The following ECPAS variants were observed in gnomAD, a reference collection of about 807,000 sequenced individuals.
The protein encoded by ECPAS is Ecm29 proteasome adaptor and scaffold.
ECPAS carries 70 observed loss-of-function variants against 255.1 expected under a neutral mutation model. The observed-to-expected ratio is 0.27, with a 90% confidence interval of 0.23 to 0.33. The LOEUF (loss-of-function observed/expected upper bound fraction) is 0.33. ECPAS is among the 10% of genes least tolerant of loss of function. ECPAS has a pLI of 1.00. For synonymous variants in ECPAS, 784 were observed against 775.0 expected (o/e 1.01, Z -0.19); for missense variants, 1,817 against 2,206.4 (o/e 0.82, Z 3.54).
intron 21 of ECPAS, chr9:111,411,782 T>C (rs2098194874): frequency 2.6e-6 from 1 of 388,408 alleles, no homozygotes; most frequent in Middle Eastern, 6.6e-4. Context: ...CATGTATTTA[T>C]GAATCACTGT....
rs1385359934 is a variant in ECPAS at position 111,386,414 on chromosome 9, T to C, written c.3490A>G (p.Asn1164Asp). Residue 1164 changes from asparagine (N) to aspartate (D), a missense_variant, in exon 32 of 50, where the codon AAC (asparagine) becomes GAC (aspartate). Coordinates refer to ENST00000684092, the MANE Select transcript of ECPAS (RefSeq NM_001364929.1). ...LKEILQDLVKNLTSNMWRVRE... is the reference protein window; with the variant it reads ...LKEILQDLVKDLTSNMWRVRE... Reference sequence around the variant, plus strand: ...ACTCGCCACATATTGCTTGTAAGGTTCTTAACCAAATCTTGAAGAATTTCT... The same window carrying C: ...ACTCGCCACATATTGCTTGTAAGGTCCTTAACCAAATCTTGAAGAATTTCT... The C allele has an allele frequency of 5.6e-6, 9 of 1,604,162 alleles. No homozygotes were observed. The highest frequency in any genetic ancestry group is 1.7e-4 in the Middle Eastern group (1 of 6,042).
At chr9:111,378,869 C>T in intron 35 of ECPAS, 139 bp from the exon 36 acceptor site, 1 of 727,584 alleles carries the variant, frequency 1.4e-6, no homozygotes, top group Non-Finnish European at 2.0e-6. Flanking sequence ...CTGGGCATTA[C>T]TTTTTTTAAC....
At chr9:111,409,917 C>G in intron 23 of ECPAS, 124 bp downstream of exon 23, 1 of 722,940 alleles carries the variant, frequency 1.4e-6, no homozygotes, top group Non-Finnish European at 2.3e-6. Flanking sequence ...TCTTTATCAC[C>G]CATTTTTACA....
chr9:111,398,455 C>G (rs551535911), intron 24 of ECPAS, among the ~76,000 whole-genome samples: 1 of 152,018 alleles, frequency 6.6e-6, no homozygotes, highest in South Asian at 2.1e-4. Flanking sequence ...GTAAATAATC[C>G]AGAAATAAAG....
intron 3 of ECPAS, among the ~76,000 whole-genome samples, chr9:111,448,398 A>C (rs1055389509): frequency 6.6e-6 from 1 of 152,262 alleles, no homozygotes; most frequent in Non-Finnish European, 1.5e-5. Flanking sequence ...GGAGAAAAAA[A>C]CCTTAAATGG....
At chr9:111,409,265 T>C (rs751049634) in intron 23 of ECPAS, among the ~76,000 whole-genome samples, 4 of 152,076 alleles carry the variant, frequency 2.6e-5, no homozygotes, top group South Asian at 2.1e-4. Context: ...AAGATTAAGA[T>C]TATAGGAATT....
intron 4 of ECPAS, among the ~76,000 whole-genome samples, chr9:111,443,729 A>G (rs2098249081): frequency 6.6e-6 from 1 of 152,214 alleles, no homozygotes; most frequent in Non-Finnish European, 1.5e-5. Flanking sequence ...AACAGGCTCC[A>G]AAAGGTTTGT....
At chr9:111,437,267 A>G (rs767933031) in intron 6 of ECPAS, among the ~76,000 whole-genome samples, 159 bp from the exon 7 acceptor site, 1 of 152,238 alleles carries the variant, frequency 6.6e-6, no homozygotes, top group Non-Finnish European at 1.5e-5. Flanking sequence ...ATTTTAAGGT[A>G]TCTAAAAAAG....
At chr9:111,391,966 C>T (rs1589137119) in intron 28 of ECPAS, 142 bp from the exon 29 acceptor site, 7 of 648,906 alleles carry the variant, frequency 1.1e-5, no homozygotes, top group Non-Finnish European at 1.9e-5. Context: ...TCCGGCCGGG[C>T]GCGGTGGCTC....
At chr9:111,382,634 C>T (rs1199093449) in intron 35 of ECPAS, among the ~76,000 whole-genome samples, 1 of 152,030 alleles carries the variant, frequency 6.6e-6, no homozygotes, top group Non-Finnish European at 1.5e-5. Context: ...AAAAAAAACT[C>T]TTTCATCAAC....
Position 111,394,215 on chromosome 9 carries a change from G to T in ECPAS, c.2867C>A (p.Ala956Asp). ...ISPNPHVRQA[A>D]CIWLLSLVRK... is the part of the protein sequence containing the mutation. Reference sequence around the variant, plus strand: ...GACAAGGGAAAGGAGCCAGATGCAGGCTGCTTGCCTCACGTGTGGGTTGGG... The same window carrying T: ...GACAAGGGAAAGGAGCCAGATGCAGTCTGCTTGCCTCACGTGTGGGTTGGG... Residue 956 changes from alanine to aspartate, a missense_variant, in exon 26 of 50, where the codon GCC (alanine) becomes GAC (aspartate). Physicochemically the swap from Ala to Asp is moderately radical, Grantham distance 126 (BLOSUM62 -2). Around this residue, in one of 4 missense-constraint regions of ECPAS, gnomAD observed 960 missense variants for 1,179.0 expected, o/e 0.81. Coordinates refer to ENST00000684092, the MANE Select transcript of ECPAS (RefSeq NM_001364929.1). The T allele has an allele frequency of 1.2e-6, 2 of 1,609,390 alleles. No homozygotes were observed. Among genetic ancestry groups the T allele is most frequent in the Non-Finnish European group, 1.7e-6 (2 of 1,177,650 alleles).
At position 111,366,523 on chromosome 9, in the gene ECPAS, C is replaced by A; in HGVS notation, c.5218G>T (p.Gly1740Trp). 1 of 1,608,000 alleles carries A rather than the reference C, an allele frequency of 6.2e-7. No individual in the cohort carries two copies. Among genetic ancestry groups the A allele is most frequent in the South Asian group, 1.1e-5 (1 of 90,934 alleles). ...VLQSMNAFFQ[G>W]LMLLEEEHAD... ...AAACTGAGCCATGAAGCAATTTACC[C>A]CTGAAAAAAGGCATTCATTGATTGC... The change falls in exon 47 of 50, where the codon GGG becomes TGG. Residue 1740 changes from glycine (G) to tryptophan (W), a missense_variant and splice_region_variant. By Grantham distance (184) the Gly-to-Trp change is radical. Transcript: ENST00000684092.
chr9:111,483,621 G>A (rs939618288), intron 1 of ECPAS: 4 of 291,132 alleles, frequency 1.4e-5, no homozygotes, highest in East Asian at 1.8e-4. Flanking sequence ...CGGTGCGGCA[G>A]GGGCCGCGAG....
At position 111,392,756 on chromosome 9, in the gene ECPAS, A is replaced by G. The variant is rs886137001; in HGVS notation, c.3092+12T>C. The G allele has an allele frequency of 6.3e-7, 1 of 1,576,060 alleles. No individual in the cohort carries two copies. The highest frequency in any genetic ancestry group is 8.7e-7 in the Non-Finnish European group (1 of 1,149,660). The stretch of plus-strand genomic sequence containing the variant: ...TATGGGCTTGAATCTAAAATTTTCA[A>G]GTTCACCATACCTTTTGCCAGTCAT... On this transcript the variant is annotated intron_variant, in intron 28 of 49. Coordinates refer to ENST00000684092, the MANE Select transcript of ECPAS (RefSeq NM_001364929.1).
In ECPAS at chr9:111,384,580, CA is replaced by C; in HGVS notation, c.3634-12del. 6.2e-7 allele frequency: 1 copy of C among 1,613,334 alleles called. No homozygotes were observed. The highest frequency in any genetic ancestry group is 8.5e-7 in the Non-Finnish European group (1 of 1,179,398). On this transcript the variant is annotated splice_polypyrimidine_tract_variant and intron_variant, in intron 33 of 49. Transcript: ENST00000684092. ...TTTTCGTACAGATTCCTAAAAATGACAAAAGTGTGACATCATACAAGTTAGA... is the reference window on the plus strand; with the variant it reads ...TTTTCGTACAGATTCCTAAAAATGACAAAGTGTGACATCATACAAGTTAGA...
intron 24 of ECPAS, among the ~76,000 whole-genome samples, chr9:111,400,560 TATAAG>T (rs2098174284): frequency 6.6e-6 from 1 of 152,192 alleles, no homozygotes; most frequent in East Asian, 1.9e-4. Context: ...TTCAGAAACT[TATAAG>T]AGAAATTTAG....
intron 2 of ECPAS, among the ~76,000 whole-genome samples, chr9:111,464,899 T>C (rs927745436): frequency 2.0e-5 from 3 of 152,092 alleles, no homozygotes; most frequent in Non-Finnish European, 4.4e-5. Flanking sequence ...AAAAATAAAA[T>C]AAGGCCGGGC....
At chr9:111,481,041 C>T (rs2098304151) in intron 1 of ECPAS, among the ~76,000 whole-genome samples, 1 of 152,160 alleles carries the variant, frequency 6.6e-6, no homozygotes, top group Admixed American at 6.6e-5. Flanking sequence ...AACAGGAACT[C>T]AGATGTCATA....
At chr9:111,430,467 A>T in intron 9 of ECPAS, 80 bp downstream of exon 9, 1 of 867,342 alleles carries the variant, frequency 1.2e-6, no homozygotes, top group Non-Finnish European at 1.9e-6. Flanking sequence ...AAATGAAACT[A>T]GAAGAAAATG....
Sources: allele counts gnomAD v4.1 joint callset (sites outside exome capture counted in the v4.1 genomes callset), GRCh38; gene constraint gnomAD v4.1.1; regional missense constraint gnomAD v4.1.1; transcripts MANE v1.5; gene names NCBI Gene and HGNC (gene_info 2026-07-23, HGNC 2026-07-21).